CHD2: variants seen among roughly 807,000 people sequenced by gnomAD.
CHD2 encodes chromodomain helicase DNA binding protein 2.
Under a neutral mutation model 243.9 loss-of-function variants are expected in CHD2, and 28 were observed. The ratio of observed to expected loss-of-function variants is 0.11; its 90% CI spans 0.09 to 0.16. The LOEUF (loss-of-function observed/expected upper bound fraction) is 0.16, where lower values mean the gene tolerates loss of function less well. Ranked by LOEUF, CHD2 falls within the 10% of genes least tolerant of loss-of-function variation. CHD2 has a pLI of 1.00. For missense variants in CHD2, 1,386 were observed against 2,209.8 expected, an observed-to-expected ratio of 0.63 and a Z score of 7.47; for synonymous variants, 775 against 779.0, an observed-to-expected ratio of 0.99 and a Z score of 0.09.
intron 26 of CHD2, 70 bp from the exon 27 acceptor site, chr15:92,991,406 A>G: frequency 8.6e-7 from 1 of 1,159,650 alleles, no homozygotes; most frequent in South Asian, 1.3e-5. Flanking sequence ...TCATCACAGG[A>G]TATGCTAGCA....
chr15:93,011,319 G>A (rs2054391556), intron 35 of CHD2, among the ~76,000 whole-genome samples: 1 of 152,208 alleles, frequency 6.6e-6, no homozygotes, highest in Non-Finnish European at 1.5e-5. Context: ...TGCGTGAAGA[G>A]TAGTCAGGAA....
At chr15:92,906,899 C>G (rs1567118079) in intron 2 of CHD2, among the ~76,000 whole-genome samples, 1 of 152,090 alleles carries the variant, frequency 6.6e-6, no homozygotes, top group Non-Finnish European at 1.5e-5. Context: ...CTTGACTAAG[C>G]GTTGAGTTCA....
At chr15:92,959,592 A>G (rs1421437563) in intron 16 of CHD2, among the ~76,000 whole-genome samples, 1 of 152,134 alleles carries the variant, frequency 6.6e-6, no homozygotes, top group Non-Finnish European at 1.5e-5. Context: ...CCCGGGCTCA[A>G]GTGATTCTCC....
intron 15 of CHD2, among the ~76,000 whole-genome samples, chr15:92,955,774 G>A (rs1164191378): frequency 6.6e-6 from 1 of 152,102 alleles, no homozygotes; most frequent in African/African-American, 2.4e-5. Context: ...ATAGATGAGG[G>A]GACCTTAGGT....
chr15:93,003,943 G>A (rs1055202541), intron 33 of CHD2, among the ~76,000 whole-genome samples: 15 of 152,012 alleles, frequency 9.9e-5, no homozygotes, highest in African/African-American at 3.6e-4. Context: ...GGACAACATG[G>A]TGAAACCCCG....
At chr15:92,927,377 A>T (rs1207153784) in intron 4 of CHD2, 47 bp downstream of exon 4, 1 of 1,357,416 alleles carries the variant, frequency 7.4e-7, no homozygotes, top group South Asian at 1.2e-5. Flanking sequence ...TCCCTATCTT[A>T]CTTCATTCTT....
chr15:92,981,102 G>A (rs1042315905), intron 23 of CHD2, among the ~76,000 whole-genome samples, 191 bp downstream of exon 23: 2 of 152,136 alleles, frequency 1.3e-5, no homozygotes, highest in African/African-American at 2.4e-5. Flanking sequence ...TAAAGCATTC[G>A]AGTATACTTT....
intron 11 of CHD2, 28 bp from the exon 12 acceptor site, chr15:92,946,010 A>G: frequency 2.0e-6 from 3 of 1,538,346 alleles, no homozygotes; most frequent in African/African-American, 2.8e-5. Flanking sequence ...ACAGTTGCTA[A>G]TCTATAAATT....
chr15:92,984,803 T>C (rs1029913308), intron 25 of CHD2, among the ~76,000 whole-genome samples: 1 of 152,242 alleles, frequency 6.6e-6, no homozygotes, highest in Non-Finnish European at 1.5e-5. Flanking sequence ...GGCTGTTAAT[T>C]GCCACTGCCT....
At chr15:92,985,475 G>T in intron 25 of CHD2, 23 bp from the exon 26 acceptor site, 1 of 1,596,058 alleles carries the variant, frequency 6.3e-7, no homozygotes. Context: ...GTTACAGTGT[G>T]ACTTTGCCTC....
chr15:92,901,879 T>C, intron 2 of CHD2: 1 of 301,106 alleles, frequency 3.3e-6, no homozygotes, highest in Admixed American at 5.0e-5. Flanking sequence ...TTTCTTTTGA[T>C]ACACTTGACA....
chr15:92,973,189 C>T (rs2053865050), intron 19 of CHD2, among the ~76,000 whole-genome samples: 4 of 152,086 alleles, frequency 2.6e-5, no homozygotes. Context: ...CTTGCTACTC[C>T]CTGAAGTAAG....
At chr15:93,017,060 A>T (rs1315163565) in intron 37 of CHD2, among the ~76,000 whole-genome samples, 1 of 152,218 alleles carries the variant, frequency 6.6e-6, no homozygotes, top group Non-Finnish European at 1.5e-5. Context: ...AAAAAGGGAA[A>T]TACACACCGA....
At chr15:93,019,710 G>A (rs2141894514) in intron 37 of CHD2, among the ~76,000 whole-genome samples, 1 of 152,240 alleles carries the variant, frequency 6.6e-6, no homozygotes, top group Admixed American at 6.5e-5. Context: ...GAGGCGGGCG[G>A]ATCACCTGAG....
chr15:92,964,559 T>G lies in CHD2; in HGVS notation c.2001-2766T>G, dbSNP rs2053731132. On this transcript the variant is annotated intron_variant, in intron 16 of 38. Transcript: ENST00000394196. ...CCCACTCAAATGTTACAGGCTATTG[T>G]TTCAAAATCCAAAAGTTAGTCCTCT... Among the ~76,000 whole-genome samples the G allele has an allele frequency of 2.0e-5, 3 of 152,226 alleles. No individual in the cohort carries two copies. In the South Asian group the frequency reaches 6.2e-4, roughly 31 times the overall value.
At chr15:92,927,573 C>T (rs944996092) in intron 4 of CHD2, among the ~76,000 whole-genome samples, 1 of 152,106 alleles carries the variant, frequency 6.6e-6, no homozygotes, top group Non-Finnish European at 1.5e-5. Flanking sequence ...GAACTGACCT[C>T]AAAATGGTTT....
intron 32 of CHD2, among the ~76,000 whole-genome samples, chr15:93,001,932 C>G (rs529470815): frequency 1.2e-4 from 18 of 152,240 alleles, no homozygotes; most frequent in African/African-American, 4.3e-4. Context: ...AATAAACTTA[C>G]GTTGAAGGGT....
At chr15:92,945,796 T>A (rs759524470) in intron 10 of CHD2, 25 bp from the exon 11 acceptor site, 12 of 1,487,682 alleles carry the variant, frequency 8.1e-6, no homozygotes, top group Middle Eastern at 1.8e-4. Context: ...TTATAACTTT[T>A]CTGTCTTATT....
At position 93,024,747 on chromosome 15, in the gene CHD2, TGG is replaced by T. The variant is rs2054572510; in HGVS notation, c.*43_*44del. 1 of 1,527,610 alleles carries T rather than the reference TGG, an allele frequency of 6.5e-7. No homozygotes were observed. Among genetic ancestry groups the T allele is most frequent in the Admixed American group, 1.9e-5 (1 of 51,388 alleles). 94.6% of individuals were successfully genotyped at this position (1,527,610 alleles called of 1,614,324 possible). A position where few individuals can be genotyped will look rare whatever the true frequency, so the allele number is the denominator to read the frequency against. On this transcript the variant is annotated 3_prime_UTR_variant, in exon 39 of 39. Transcript: ENST00000394196. ...GAGAGAGTAAGAGTCACCAAACACG[TGG>T]ATATTTTTGGTCTGATCCTACAGTA...
Sources: gnomAD v4.1 joint callset for allele counts (sites outside exome capture counted in the v4.1 genomes callset) on GRCh38, gnomAD v4.1.1 for gene constraint, MANE v1.5 for transcripts, NCBI Gene and HGNC (gene_info 2026-07-23, HGNC 2026-07-21) for gene names.